ZFPM2: variants seen among roughly 807,000 people sequenced by gnomAD.
ZFPM2 encodes zinc finger protein, FOG family member 2, also known as zinc finger protein ZFPM2.
Under a neutral mutation model 98.6 loss-of-function variants are expected in ZFPM2, and 20 were observed. That is an observed-to-expected ratio of 0.20 (90% CI 0.14 to 0.29). The LOEUF (loss-of-function observed/expected upper bound fraction) is 0.29. Among genes scored for constraint, ZFPM2 ranks in the 10% least tolerant of loss-of-function variants. The probability of loss-of-function intolerance (pLI) is 1.00; values close to 1 mark genes in which losing one functional copy is unlikely to be tolerated. For synonymous variants in ZFPM2, 518 were observed against 502.7 expected (o/e 1.03, Z -0.41); for missense variants, 1,310 against 1,388.6 (o/e 0.94, Z 0.90).
At chr8:105,616,856 A>G (rs567660281) in intron 4 of ZFPM2, among the ~76,000 whole-genome samples, 1 of 151,282 alleles carries the variant, frequency 6.6e-6, no homozygotes, top group African/African-American at 2.4e-5. Context: ...CATCTCTACT[A>G]AAAATACAAA....
intron 5 of ZFPM2, among the ~76,000 whole-genome samples, chr8:105,711,889 G>T (rs776097132): frequency 3.9e-5 from 6 of 151,956 alleles, no homozygotes; most frequent in Non-Finnish European, 7.4e-5. Context: ...TTATTATGAG[G>T]CTTCTTTCTA....
chr8:105,767,587 A>C (rs763540024), intron 5 of ZFPM2, among the ~76,000 whole-genome samples: 25 of 151,928 alleles, frequency 1.6e-4, no homozygotes, highest in South Asian at 1.0e-3. Flanking sequence ...ATTAGGTTAC[A>C]ACACTCCATA....
At chr8:105,591,690 A>G (rs1397866592) in intron 4 of ZFPM2, among the ~76,000 whole-genome samples, 1 of 152,192 alleles carries the variant, frequency 6.6e-6, no homozygotes, top group Non-Finnish European at 1.5e-5. Context: ...GTAGAAATGC[A>G]ATTTATAAAG....
At chr8:105,649,469 G>A (rs1817123013) in intron 5 of ZFPM2, among the ~76,000 whole-genome samples, 1 of 152,164 alleles carries the variant, frequency 6.6e-6, no homozygotes, top group Non-Finnish European at 1.5e-5. Context: ...AGTTTTCAAA[G>A]GAAATGCTTC....
At chr8:105,370,098 A>G (rs1810589756) in intron 1 of ZFPM2, among the ~76,000 whole-genome samples, 1 of 152,178 alleles carries the variant, frequency 6.6e-6, no homozygotes, top group African/African-American at 2.4e-5. Flanking sequence ...TCCACCTTTC[A>G]TATGAAGCAC....
chr8:105,332,988 ATTG>A (rs1368245515), intron 1 of ZFPM2, among the ~76,000 whole-genome samples: 1 of 151,710 alleles, frequency 6.6e-6, no homozygotes, highest in Non-Finnish European at 1.5e-5. Flanking sequence ...CCTTTAGGTA[ATTG>A]ATGGTCATTG....
intron 4 of ZFPM2, among the ~76,000 whole-genome samples, chr8:105,587,279 A>AG (rs1341020927): frequency 5.5e-5 from 6 of 109,456 alleles, no homozygotes; most frequent in African/African-American, 1.9e-4. Context: ...TCTGTCTCAG[A>AG]AAAAAAAAAA....
At chr8:105,706,285 C>T (rs1444120284) in intron 5 of ZFPM2, among the ~76,000 whole-genome samples, 2 of 152,050 alleles carry the variant, frequency 1.3e-5, no homozygotes, top group Non-Finnish European at 2.9e-5. Context: ...ACTTTGGCAA[C>T]GTCAAGATTA....
chr8:105,640,980 G>A (rs186979040), intron 5 of ZFPM2, among the ~76,000 whole-genome samples: 1 of 152,106 alleles, frequency 6.6e-6, no homozygotes, highest in Non-Finnish European at 1.5e-5. Flanking sequence ...ATATTTAGCA[G>A]TGGGAATTAT....
chr8:105,354,004 C>T (rs979925093), intron 1 of ZFPM2, among the ~76,000 whole-genome samples: 1 of 152,092 alleles, frequency 6.6e-6, no homozygotes, highest in South Asian at 2.1e-4. Context: ...CCTGGATCAT[C>T]GTTGTCCAGA....
At chr8:105,654,082 C>A (rs1308389719) in intron 5 of ZFPM2, among the ~76,000 whole-genome samples, 1 of 151,510 alleles carries the variant, frequency 6.6e-6, no homozygotes, top group Non-Finnish European at 1.5e-5. Context: ...GCCTTCAAAT[C>A]AATTCATTGT....
chr8:105,402,918 A>C (rs2129990561), intron 1 of ZFPM2, among the ~76,000 whole-genome samples: 1 of 152,178 alleles, frequency 6.6e-6, no homozygotes, highest in Admixed American at 6.6e-5. Flanking sequence ...ATTACACATA[A>C]ATTTCAGAGT....
chr8:105,434,888 A>T lies in ZFPM2; in HGVS notation c.200-9392A>T, dbSNP rs369869378. Among the ~76,000 whole-genome samples, 217 of 152,342 alleles carry T rather than the reference A, an allele frequency of 1.4e-3. 1 individual carries two copies. Among genetic ancestry groups the T allele is most frequent in the South Asian group, 5.0e-3 (24 of 4,826 alleles). The stretch of plus-strand genomic sequence containing the variant: ...CAAACACTGCTGCTATTCTGTGCTG[A>T]AAAAGTGACTGTCTCGGAATGTGGC... On this transcript the variant is annotated intron_variant, in intron 2 of 7. Coordinates refer to ENST00000407775, the MANE Select transcript of ZFPM2 (RefSeq NM_012082.4).
intron 4 of ZFPM2, among the ~76,000 whole-genome samples, chr8:105,589,688 A>G (rs767743894): frequency 6.6e-6 from 1 of 152,026 alleles, no homozygotes; most frequent in Non-Finnish European, 1.5e-5. Context: ...TGTGCCAGTC[A>G]TATTCTCTTC....
At chr8:105,563,197 A>G (rs546183881) in intron 4 of ZFPM2, among the ~76,000 whole-genome samples, 10 of 152,294 alleles carry the variant, frequency 6.6e-5, no homozygotes, top group Non-Finnish European at 1.3e-4. Flanking sequence ...GATTTATTAC[A>G]TGAAGGAAAT....
intron 5 of ZFPM2, among the ~76,000 whole-genome samples, chr8:105,678,133 C>T (rs965109592): frequency 6.6e-6 from 1 of 152,126 alleles, no homozygotes; most frequent in Non-Finnish European, 1.5e-5. Context: ...GTAGGAGATA[C>T]AGAAGTTTGG....
intron 4 of ZFPM2, among the ~76,000 whole-genome samples, chr8:105,566,464 A>AATAT (rs1401468016): frequency 6.6e-5 from 10 of 152,180 alleles, no homozygotes; most frequent in Non-Finnish European, 1.5e-4. Flanking sequence ...AGTTCTGATC[A>AATAT]ATATCTGGTT....
At chr8:105,649,487 G>T (rs536667021) in intron 5 of ZFPM2, among the ~76,000 whole-genome samples, 15 of 152,058 alleles carry the variant, frequency 9.9e-5, no homozygotes, top group Non-Finnish European at 1.8e-4. Flanking sequence ...TTCTAGTTTT[G>T]GCCCATTCTG....
intron 2 of ZFPM2, among the ~76,000 whole-genome samples, chr8:105,442,056 G>A (rs777978134): frequency 1.3e-5 from 2 of 152,020 alleles, no homozygotes; most frequent in African/African-American, 2.4e-5. Flanking sequence ...ACTTGGGGCC[G>A]GGCGCGGTGG....
Sources: allele counts gnomAD v4.1 joint callset (sites outside exome capture counted in the v4.1 genomes callset), GRCh38; gene constraint gnomAD v4.1.1; transcripts MANE v1.5; gene names NCBI Gene and HGNC (gene_info 2026-07-23, HGNC 2026-07-21).